Variants in APAF1 observed in about 807,000 individuals in gnomAD.
APAF1 encodes the protein apoptotic peptidase activating factor 1.
Under a neutral mutation model 152.4 loss-of-function variants are expected in APAF1, and 91 were observed. The observed-to-expected ratio is 0.60, with a 90% CI of 0.50 to 0.71. APAF1 has a LOEUF of 0.71. Ranked by LOEUF, APAF1 falls within the 30% of genes least tolerant of loss-of-function variation. APAF1 has a pLI of 0.00. For synonymous variants in APAF1, 484 were observed against 494.1 expected (o/e 0.98, Z 0.27); for missense variants, 1,283 against 1,472.0 (o/e 0.87, Z 2.10).
intron 4 of APAF1, among the ~76,000 whole-genome samples, chr12:98,650,724 C>T (rs1299745965): frequency 6.6e-6 from 1 of 152,052 alleles, no homozygotes; most frequent in Non-Finnish European, 1.5e-5. Flanking sequence ...GGTTTTTCCC[C>T]TCTATCATTA....
chr12:98,689,636 A>C (rs1218422543), intron 16 of APAF1, among the ~76,000 whole-genome samples: 1 of 151,818 alleles, frequency 6.6e-6, no homozygotes, highest in African/African-American at 2.4e-5. Context: ...ATTTTGTTTA[A>C]TTTTTGTAGA....
intron 18 of APAF1, among the ~76,000 whole-genome samples, chr12:98,705,911 G>A (rs1394681554): frequency 1.3e-5 from 2 of 152,120 alleles, no homozygotes; most frequent in African/African-American, 2.4e-5. Context: ...TTTATAATGC[G>A]TTATATTCAG....
chr12:98,703,574 C>T (rs563277561), intron 18 of APAF1, 75 bp downstream of exon 18: 2 of 1,564,804 alleles, frequency 1.3e-6, no homozygotes, highest in Admixed American at 1.7e-5. Flanking sequence ...GCAGCTTAAA[C>T]CATTAACTGC....
intron 1 of APAF1, among the ~76,000 whole-genome samples, chr12:98,646,663 T>C (rs1249113087): frequency 6.6e-6 from 1 of 152,250 alleles, no homozygotes; most frequent in Non-Finnish European, 1.5e-5. Context: ...CAAATGTGTA[T>C]TGAATGAATG....
intron 4 of APAF1, among the ~76,000 whole-genome samples, chr12:98,652,635 A>G (rs117466473): frequency 3.4e-5 from 5 of 148,576 alleles, no homozygotes; most frequent in Admixed American, 6.7e-5. Flanking sequence ...ATTTTATTTT[A>G]TTTTTTTTGA....
chr12:98,670,974 A>T lies in APAF1; in HGVS notation c.1496A>T (p.Glu499Val). 6.2e-7 allele frequency: 1 copy of T among 1,610,236 alleles called. No homozygotes were observed. The highest frequency in any genetic ancestry group is 1.1e-5 in the South Asian group (1 of 91,000). Residue 499 changes from glutamate (E) to valine (V), a missense_variant and splice_region_variant, in exon 11 of 27, where the codon GAA (glutamate) becomes GTA (valine). Glu to Val is a moderately radical substitution (Grantham distance 121). Coordinates refer to ENST00000551964, the MANE Select transcript of APAF1 (RefSeq NM_181861.2). ...YHMASAKMHKELCALMFSLDW... is the reference protein window; with the variant it reads ...YHMASAKMHKVLCALMFSLDW... The stretch of plus-strand genomic sequence containing the variant: ...GATACTACTTTTTGTTTTTTAAAGG[A>T]ACTTTGTGCTTTAATGTTTTCCCTG...
At chr12:98,692,413 A>C (rs1269109827) in intron 16 of APAF1, among the ~76,000 whole-genome samples, 1 of 152,162 alleles carries the variant, frequency 6.6e-6, no homozygotes, top group East Asian at 1.9e-4. Flanking sequence ...AAAAAATTTC[A>C]ACTTTTATTT....
At chr12:98,678,850 C>T (rs2097689318) in intron 13 of APAF1, among the ~76,000 whole-genome samples, 1 of 152,236 alleles carries the variant, frequency 6.6e-6, no homozygotes, top group Non-Finnish European at 1.5e-5. Flanking sequence ...CCTCGGCCCC[C>T]TCCGGACTTT....
chr12:98,666,849 GTTT>G (rs35365649), intron 9 of APAF1, among the ~76,000 whole-genome samples: 27,128 of 151,782 alleles, frequency 0.18, 2,551 homozygotes, highest in Non-Finnish European at 0.2. Context: ...GTACTTGGTG[GTTT>G]TTAAAAAATT....
intron 12 of APAF1, 69 bp downstream of exon 12, chr12:98,671,788 A>G: frequency 2.8e-6 from 4 of 1,434,366 alleles, no homozygotes; most frequent in Non-Finnish European, 3.9e-6. Flanking sequence ...CAGGTGGTGA[A>G]TACGATCACT....
chr12:98,667,454 C>G lies in APAF1; in HGVS notation c.1363-59C>G. The G allele has an allele frequency of 7.5e-6, 12 of 1,593,044 alleles. No individual in the cohort carries two copies. In the South Asian group the frequency reaches 1.3e-4, roughly 18 times the overall value. On this transcript the variant is annotated intron_variant, in intron 9 of 26. Transcript: ENST00000551964. ...TTAATAGCTTTGGAAGCTGAAGTTA[C>G]TGTGATGCTTAGGTTATAAAATTGT...
chr12:98,655,465 C>T (rs1355763584), intron 4 of APAF1, among the ~76,000 whole-genome samples: 101 of 149,204 alleles, frequency 6.8e-4, no homozygotes, highest in African/African-American at 2.3e-3. Context: ...GGGGCTGACC[C>T]CCCCACCTCC....
At chr12:98,648,836 C>G in intron 3 of APAF1, 21 bp downstream of exon 3, 1 of 1,606,416 alleles carries the variant, frequency 6.2e-7, no homozygotes, top group Non-Finnish European at 8.5e-7. Flanking sequence ...ATTATACCTT[C>G]TATCACTTTG....
chr12:98,686,058 C>T (rs2097697732), intron 15 of APAF1, among the ~76,000 whole-genome samples: 1 of 152,240 alleles, frequency 6.6e-6, no homozygotes, highest in Middle Eastern at 3.4e-3. Context: ...ATTATCACAC[C>T]TAACATAATA....
Position 98,727,279 on chromosome 12 carries a change from A to G in APAF1, c.3563A>G (p.Asp1188Gly), listed in dbSNP as rs1311292979. 2 of 1,614,164 alleles carry G rather than the reference A, an allele frequency of 1.2e-6. No individual in the cohort carries two copies. Among genetic ancestry groups the G allele is most frequent in the Non-Finnish European group, 8.5e-7 (1 of 1,180,018 alleles). Reference sequence around the variant, plus strand: ...GTGACTGACCTTTGCTTTTCTCCAGATGGCAAAATGCTTATCTCTGCTGGA... The same window carrying G: ...GTGACTGACCTTTGCTTTTCTCCAGGTGGCAAAATGCTTATCTCTGCTGGA... ...GWVTDLCFSP[D>G]GKMLISAGGY... The change falls in exon 26 of 27, where the codon GAT becomes GGT. Residue 1188 changes from aspartate (D) to glycine (G), a missense_variant. Transcript: ENST00000551964.
At chr12:98,723,902 C>A in intron 24 of APAF1, 138 bp downstream of exon 24, 1 of 912,044 alleles carries the variant, frequency 1.1e-6, no homozygotes, top group Non-Finnish European at 1.7e-6. Flanking sequence ...GGAGGATGCC[C>A]ATTGGCATTT....
chr12:98,686,283 A>G (rs1303311919), intron 15 of APAF1, among the ~76,000 whole-genome samples: 1 of 152,134 alleles, frequency 6.6e-6, no homozygotes, highest in East Asian at 1.9e-4. Flanking sequence ...CATTTGTCCC[A>G]TGGAATGTGC....
At chr12:98,661,934 C>A (rs973675129) in intron 5 of APAF1, among the ~76,000 whole-genome samples, 2 of 151,418 alleles carry the variant, frequency 1.3e-5, no homozygotes, top group Non-Finnish European at 2.9e-5. Flanking sequence ...TATGAATAAA[C>A]AAATTGATTA....
intron 26 of APAF1, among the ~76,000 whole-genome samples, chr12:98,728,646 CG>C (rs1471812616): frequency 1.3e-4 from 20 of 152,050 alleles, no homozygotes; most frequent in Non-Finnish European, 2.4e-4. Context: ...ACTTGAACCC[CG>C]GGGGAGCAGA....
Sources: allele counts gnomAD v4.1 joint callset (sites outside exome capture counted in the v4.1 genomes callset), GRCh38; gene constraint gnomAD v4.1.1; transcripts MANE v1.5; gene names NCBI Gene and HGNC (gene_info 2026-07-23, HGNC 2026-07-21).